Variants in ZNF718 observed in about 807,000 individuals in gnomAD.
ZNF718 encodes the protein zinc finger protein 718.
ZNF718 carries 3 observed loss-of-function variants against 2.6 expected under a neutral mutation model. That is an observed-to-expected ratio of 1.16 (90% confidence interval 0.53 to 3.01). The LOEUF is 3.01. Ranked by LOEUF, ZNF718 falls within the 30% of genes most tolerant of loss-of-function variation. The pLI is 0.03. For synonymous variants in ZNF718, 135 were observed against 77.9 expected (o/e 1.73, Z -3.86); for missense variants, 468 against 230.0 (o/e 2.03, Z -6.69).
intron 3 of ZNF718, among the ~76,000 whole-genome samples, chr4:148,816 A>G (rs1276818160): frequency 6.6e-6 from 1 of 152,102 alleles, no homozygotes; most frequent in Non-Finnish European, 1.5e-5. Flanking sequence ...GAGACACAGG[A>G]CATTATGAAT....
intron 1 of ZNF718, among the ~76,000 whole-genome samples, chr4:126,859 G>T (rs188376064): frequency 6.4e-4 from 95 of 149,158 alleles, no homozygotes; most frequent in African/African-American, 2.2e-3. Context: ...CGGAGTCTTC[G>T]CTGTGTCGCC....
In ZNF718 at chr4:196,034, T is replaced by A. The variant is rs539375683; in HGVS notation, c.227-5047T>A. 2.0e-5 allele frequency among the ~76,000 whole-genome samples: 3 copies of A among 152,146 alleles called. No individual in the cohort carries two copies. The South Asian group carries it at 6.2e-4, about 32-fold the overall frequency. ...TCTCTCTCTCCCCTCTCTCTCTCCC[T>A]CTCTCTCCCTCTCTTTTTCCTCTCT... is the stretch of plus-strand genomic sequence containing the variant. On this transcript the variant is annotated intron_variant and NMD_transcript_variant, in intron 3 of 4. Coordinates refer to the ZNF718 transcript ENST00000642529.
downstream of ZNF718, among the ~76,000 whole-genome samples, chr4:168,599 G>A (rs1195541996): frequency 6.6e-6 from 1 of 152,130 alleles, no homozygotes; most frequent in African/African-American, 2.4e-5. Context: ...CTGTGTTGAG[G>A]AATTTATCCA....
chr4:195,186 TCA>T (rs1325864667), intron 3 of ZNF718, among the ~76,000 whole-genome samples: 2 of 152,234 alleles, frequency 1.3e-5, no homozygotes, highest in Non-Finnish European at 2.9e-5. Context: ...CAAATTCATT[TCA>T]GAGAGGGTGT....
intron 3 of ZNF718, among the ~76,000 whole-genome samples, chr4:137,554 C>T (rs1408609728): frequency 1.3e-5 from 2 of 152,104 alleles, no homozygotes; most frequent in East Asian, 1.9e-4. Context: ...CCAATTAATA[C>T]ACGATAATAC....
At chr4:150,691 A>C (rs1418306269) in intron 3 of ZNF718, among the ~76,000 whole-genome samples, 2 of 152,196 alleles carry the variant, frequency 1.3e-5, no homozygotes, top group Non-Finnish European at 2.9e-5. Context: ...GCTATTATAA[A>C]TAGTACTATA....
At chr4:151,099 A>T (rs1351174012) in intron 3 of ZNF718, among the ~76,000 whole-genome samples, 1 of 151,696 alleles carries the variant, frequency 6.6e-6, no homozygotes, top group Non-Finnish European at 1.5e-5. Context: ...TTATTTTTTA[A>T]TTAATTAATT....
At chr4:137,228 T>C (rs998573332) in intron 3 of ZNF718, among the ~76,000 whole-genome samples, 1 of 152,074 alleles carries the variant, frequency 6.6e-6, no homozygotes, top group African/African-American at 2.4e-5. Context: ...CACGAGCCAA[T>C]TAAACCTTTT....
intron 3 of ZNF718, among the ~76,000 whole-genome samples, chr4:185,419 A>T (rs1386124412): frequency 6.6e-6 from 1 of 152,132 alleles, no homozygotes; most frequent in Non-Finnish European, 1.5e-5. Flanking sequence ...TTTAATACTG[A>T]TTATATGGTC....
In ZNF718 at chr4:132,153, A is replaced by C. The variant is rs1252411952; in HGVS notation, c.226+648A>C. Among the ~76,000 whole-genome samples, 94 of 91,742 alleles carry C rather than the reference A, an allele frequency of 1.0e-3. 25 individuals are homozygous for C. Among genetic ancestry groups the C allele is most frequent in the African/African-American group, 2.6e-3 (71 of 26,992 alleles). 60.2% of individuals were successfully genotyped at this position (91,742 alleles called of 152,430 possible). On this transcript the variant is annotated intron_variant, in intron 3 of 3. Coordinates refer to ENST00000510175, the MANE Select transcript of ZNF718 (RefSeq NM_001039127.6). ...TTCAGTCTCAAAAAAAAAAAAAAAA[A>C]CCCAGGAGGCAGAGGTTGTGATTGC... is the stretch of plus-strand genomic sequence containing the variant.
rs541150971 is a variant in ZNF718, at chr4:133,650, A to C, written c.226+2145A>C. On this transcript the variant is annotated intron_variant, in intron 3 of 3. Transcript: ENST00000510175. ...AGTAAGTGAAGCAACATATTAAGTA[A>C]ACTAATTTTTACCAGAATTTAATAC... 2.6e-5 allele frequency among the ~76,000 whole-genome samples: 4 copies of C among 152,328 alleles called. No individual in the cohort carries two copies. In the East Asian group the frequency reaches 7.7e-4, roughly 29 times the overall value.
Position 163,759 on chromosome 4 carries a change from T to C in ZNF718, c.*1637T>C, listed in dbSNP as rs1553816171. 1 of 152,194 alleles carries C rather than the reference T, an allele frequency of 6.6e-6. No individual in the cohort carries two copies. The highest frequency in any genetic ancestry group is 1.5e-5 in the Non-Finnish European group (1 of 68,006). The allele number at this position is 152,194 out of a possible 1,614,324, so 9.4% of individuals were successfully genotyped here. Reference sequence around the variant, plus strand: ...TGGTAACAGTATACTTTTAGTAACATAGTTTAATGACATTTCTAGTAATTT... The same window carrying C: ...TGGTAACAGTATACTTTTAGTAACACAGTTTAATGACATTTCTAGTAATTT... On this transcript the variant is annotated 3_prime_UTR_variant, in exon 4 of 4. Transcript: ENST00000510175.
rs1289783107 is a variant in ZNF718 at position 129,363 on chromosome 4, G to A, written c.4-1425G>A. Among the ~76,000 whole-genome samples the A allele has an allele frequency of 9.7e-5, 10 of 102,904 alleles. 4 individuals carry two copies. The highest frequency in any genetic ancestry group is 3.4e-4 in the African/African-American group (10 of 29,574). 67.5% of individuals were successfully genotyped at this position (102,904 alleles called of 152,430 possible). ...ACGGGCATAGAGAGCAGATGCCTAG[G>A]GCCCACCTTCTGTCCCAGTTCTGCC... On this transcript the variant is annotated intron_variant, in intron 1 of 3. Transcript: ENST00000510175.
intron 3 of ZNF718, among the ~76,000 whole-genome samples, chr4:134,142 T>A (rs1016409488): frequency 1.3e-5 from 2 of 151,668 alleles, no homozygotes; most frequent in Non-Finnish European, 2.9e-5. Context: ...AGTTTTTTTG[T>A]TTTGTTTTGT....
Position 161,993 on chromosome 4 carries a change from A to G in ZNF718, c.1308A>G (p.Ser436=), listed in dbSNP as rs2108804717. ...GTGGCAAAGCCTTTAAACAGTCCTC[A>G]CACTTGAATAAACATAAGAAAATTC... is the stretch of plus-strand genomic sequence containing the variant. The part of the protein sequence containing the change: ...KQCGKAFKQS[S]HLNKHKKIHT... The change falls in exon 4 of 4, where the codon TCA becomes TCG. Residue 436 remains serine, a synonymous_variant. Coordinates refer to ENST00000510175, the MANE Select transcript of ZNF718 (RefSeq NM_001039127.6). 5.1e-6 allele frequency: 4 copies of G among 779,684 alleles called. No individual in the cohort carries two copies. In the South Asian group the frequency reaches 5.4e-5, roughly 10 times the overall value. The allele number at this position is 779,684 out of a possible 1,614,324, so 48.3% of individuals were successfully genotyped here. A position where few individuals can be genotyped will look rare whatever the true frequency, so the allele number is the denominator to read the frequency against.
intron 3 of ZNF718, among the ~76,000 whole-genome samples, chr4:173,787 C>T (rs1717291955): frequency 6.6e-6 from 1 of 152,146 alleles, no homozygotes; most frequent in African/African-American, 2.4e-5. Context: ...CTGCAGAGTC[C>T]ATCCCACAGA....
intron 3 of ZNF718, among the ~76,000 whole-genome samples, chr4:177,914 G>A (rs1717382812): frequency 2.0e-5 from 3 of 152,054 alleles, no homozygotes; most frequent in African/African-American, 7.2e-5. Context: ...CCCTGAGGGA[G>A]GAAAATCTCA....
chr4:193,628 C>G (rs1426137717), intron 3 of ZNF718, among the ~76,000 whole-genome samples: 1 of 151,952 alleles, frequency 6.6e-6, no homozygotes, highest in Non-Finnish European at 1.5e-5. Context: ...TCCTAGGAAC[C>G]CTTGGATAGT....
chr4:142,784 G>A (rs1487879776), intron 3 of ZNF718, among the ~76,000 whole-genome samples: 1 of 152,212 alleles, frequency 6.6e-6, no homozygotes, highest in African/African-American at 2.4e-5. Flanking sequence ...TAGAAATTCA[G>A]TGGTAGGGGA....
Sources: allele counts gnomAD v4.1 joint callset (sites outside exome capture counted in the v4.1 genomes callset), GRCh38; gene constraint gnomAD v4.1.1; transcripts MANE v1.5; gene names NCBI Gene and HGNC (gene_info 2026-07-23, HGNC 2026-07-21).